The following KBTBD11 variants were observed in gnomAD, a reference collection of about 807,000 sequenced individuals.
The protein encoded by KBTBD11 is kelch repeat and BTB domain-containing protein 11.
For missense variants in KBTBD11, 1,390 were observed against 1,001.8 expected (o/e 1.39, Z -5.23); for synonymous variants, 747 against 499.0 (o/e 1.50, Z -6.63).
intron 1 of KBTBD11, among the ~76,000 whole-genome samples, chr8:1,997,597 C>T (rs762369050): frequency 7.2e-5 from 11 of 152,190 alleles, no homozygotes; most frequent in Non-Finnish European, 1.3e-4. Context: ...CCTAGAGGGG[C>T]GGCGGAGGGC....
At chr8:1,994,446 A>G (rs1817056635) in intron 1 of KBTBD11, among the ~76,000 whole-genome samples, 1 of 152,262 alleles carries the variant, frequency 6.6e-6, no homozygotes, top group Non-Finnish European at 1.5e-5. Context: ...CAGGGCCGGG[A>G]GTCTGAATGA....
At chr8:1,993,660 A>T (rs1042734335) in intron 1 of KBTBD11, among the ~76,000 whole-genome samples, 11 of 151,626 alleles carry the variant, frequency 7.3e-5, no homozygotes, top group South Asian at 4.2e-4. Flanking sequence ...TGTGAATTTT[A>T]TGTTTTTATG....
rs1372774378 is a variant in KBTBD11 at position 2,002,314 on chromosome 8, CCG to C, written c.1130_1131del (p.Arg377ProfsTer74). The C allele has an allele frequency of 1.5e-6, 2 of 1,365,902 alleles. No individual in the cohort carries two copies. The highest frequency in any genetic ancestry group is 9.4e-7 in the Non-Finnish European group (1 of 1,067,610). 84.6% of individuals were successfully genotyped at this position (1,365,902 alleles called of 1,614,324 possible). A position where few individuals can be genotyped will look rare whatever the true frequency, so the allele number is the denominator to read the frequency against. ...GCGTGGCGCCCGCGGGCCCCGACGG[CCG>C]CGCGCGCCCGTCCGACCAGGTCTTC... The part of the protein sequence containing the change: ...GGVAPAGPDG[R>X]ARPSDQVFCY... On this transcript the variant is annotated frameshift_variant, in exon 2 of 2. Transcript: ENST00000320248. LOFTEE classifies it low-confidence loss of function (END_TRUNC). This position sits in a 1 kb window ranked among gnomAD's most constrained non-coding sequence, Gnocchi z 4.1.
At position 2,003,458 on chromosome 8, in the gene KBTBD11, C is replaced by G. The variant is rs910497561; in HGVS notation, c.*394C>G. 4.1e-5 allele frequency: 8 copies of G among 193,264 alleles called. No homozygotes were observed. The highest frequency in any genetic ancestry group is 1.9e-4 in the African/African-American group (8 of 42,624). 12.0% of individuals were successfully genotyped at this position (193,264 alleles called of 1,614,324 possible). ...AGCCTGGGACCCTCAAGTAGGTCGCCGCGAACTATCGGGGGAAGCACGCAG... is the reference window on the plus strand; with the variant it reads ...AGCCTGGGACCCTCAAGTAGGTCGCGGCGAACTATCGGGGGAAGCACGCAG... On this transcript the variant is annotated 3_prime_UTR_variant, in exon 2 of 2. Transcript: ENST00000320248.
chr8:1,997,292 C>T (rs1391257006), intron 1 of KBTBD11, among the ~76,000 whole-genome samples: 1 of 152,146 alleles, frequency 6.6e-6, no homozygotes, highest in Admixed American at 6.5e-5. Flanking sequence ...CCAAAAACAT[C>T]TGACCCTAAC....
At chr8:1,988,509 T>C (rs903828638) in intron 1 of KBTBD11, among the ~76,000 whole-genome samples, 7 of 152,264 alleles carry the variant, frequency 4.6e-5, no homozygotes, top group Admixed American at 2.0e-4. Context: ...TTCATGTGTC[T>C]GTCGGCTGCA....
Position 2,002,472 on chromosome 8 carries a change from G to A in KBTBD11, c.1280G>A (p.Arg427His). 1.3e-6 allele frequency: 2 copies of A among 1,510,044 alleles called. No homozygotes were observed. Among genetic ancestry groups the A allele is most frequent in the Non-Finnish European group, 1.8e-6 (2 of 1,137,278 alleles). The allele number at this position is 1,510,044 out of a possible 1,614,324, so 93.5% of individuals were successfully genotyped here. A position where few individuals can be genotyped will look rare whatever the true frequency, so the allele number is the denominator to read the frequency against. Residue 427 changes from arginine to histidine, a missense_variant, in exon 2 of 2, where the codon CGC becomes CAC. Coordinates refer to ENST00000320248, the MANE Select transcript of KBTBD11 (RefSeq NM_014867.3). The surrounding 1 kb of genome is among the most constrained non-coding windows in gnomAD (Gnocchi z 4.1). ...GGCGAGTGCCTGCTCAGCGTGGAGCGCTACGACCCGCGCGCCGACCGCTGG... is the reference window on the plus strand; with the variant it reads ...GGCGAGTGCCTGCTCAGCGTGGAGCACTACGACCCGCGCGCCGACCGCTGG... ...VGGECLLSVE[R>H]YDPRADRWAP...
At chr8:1,974,421 C>G (rs922005012) in intron 1 of KBTBD11, 2 of 985,036 alleles carry the variant, frequency 2.0e-6, no homozygotes, top group Non-Finnish European at 2.4e-6. Context: ...GGCGGGGGCT[C>G]CTCCCGGGGT....
At chr8:1,975,381 C>A (rs1406298101) in intron 1 of KBTBD11, 2 of 152,230 alleles carry the variant, frequency 1.3e-5, no homozygotes, top group African/African-American at 4.8e-5. Flanking sequence ...GCCAAGTTGA[C>A]GGTGGTCCTG....
chr8:1,995,840 CAT>C (rs1208735383), intron 1 of KBTBD11, among the ~76,000 whole-genome samples: 2 of 152,112 alleles, frequency 1.3e-5, no homozygotes, highest in African/African-American at 4.8e-5. Flanking sequence ...CTCTGGGAAA[CAT>C]AGCGAGATCC....
At position 2,000,796 on chromosome 8, in the gene KBTBD11, G is replaced by A. The variant is rs1488566822; in HGVS notation, c.-397G>A. On this transcript the variant is annotated 5_prime_UTR_variant, in exon 2 of 2. Coordinates refer to ENST00000320248, the MANE Select transcript of KBTBD11 (RefSeq NM_014867.3). ...GGGATAGCTAGTCACTCAGGCTGCA[G>A]AGAGAGACACCTGGTCACCCAGGCT... is the stretch of plus-strand genomic sequence containing the variant. The A allele has an allele frequency of 5.3e-6, 1 of 187,350 alleles. No individual in the cohort carries two copies. The highest frequency in any genetic ancestry group is 6.3e-5 in the Admixed American group (1 of 15,892). The allele number at this position is 187,350 out of a possible 1,614,324, so 11.6% of individuals were successfully genotyped here.
At position 2,003,184 on chromosome 8, in the gene KBTBD11, A is replaced by C; in HGVS notation, c.*120A>C. On this transcript the variant is annotated 3_prime_UTR_variant, in exon 2 of 2. Coordinates refer to ENST00000320248, the MANE Select transcript of KBTBD11 (RefSeq NM_014867.3). Reference sequence around the variant, plus strand: ...CGCTGGCCACGCTGGTGGTTTGGACACTTCGAAGGAGCCCCGAGGACGCTC... The same window carrying C: ...CGCTGGCCACGCTGGTGGTTTGGACCCTTCGAAGGAGCCCCGAGGACGCTC... 1 of 1,236,568 alleles carries C rather than the reference A, an allele frequency of 8.1e-7. No individual in the cohort carries two copies. The highest frequency in any genetic ancestry group is 3.2e-5 in the East Asian group (1 of 31,402). The allele number at this position is 1,236,568 out of a possible 1,614,324, so 76.6% of individuals were successfully genotyped here.
intron 1 of KBTBD11, among the ~76,000 whole-genome samples, chr8:1,982,000 A>G (rs937164789): frequency 5.3e-5 from 8 of 152,136 alleles, no homozygotes; most frequent in Non-Finnish European, 8.8e-5. Context: ...CTACCGGTCT[A>G]TCTAGCCTTT....
intron 1 of KBTBD11, among the ~76,000 whole-genome samples, chr8:1,980,621 G>A (rs367815056): frequency 3.9e-5 from 6 of 152,226 alleles, no homozygotes; most frequent in East Asian, 3.8e-4. Flanking sequence ...CTTCTGCATC[G>A]GGCTGTGGCA....
At chr8:1,979,270 C>G (rs555742765) in intron 1 of KBTBD11, among the ~76,000 whole-genome samples, 1 of 152,182 alleles carries the variant, frequency 6.6e-6, no homozygotes, top group African/African-American at 2.4e-5. Flanking sequence ...CGAGGCCCAC[C>G]CATATTGTGA....
rs1817445764 is a variant in KBTBD11, at chr8:2,002,862, C to T, written c.1670C>T (p.Ala557Val). ...GGCCTGCAGCCCTTCCGCTGCGCCG[C>T]CCTGGACGGCGCCATCTACTGCGTG... is the stretch of plus-strand genomic sequence containing the variant. ...PTGLQPFRCA[A>V]LDGAIYCVSR... The change falls in exon 2 of 2, where the codon GCC (alanine) becomes GTC (valine). Residue 557 changes from alanine to valine, a missense_variant. Physicochemically the swap from Ala to Val is moderately conservative, Grantham distance 64 (BLOSUM62 0). Coordinates refer to ENST00000320248, the MANE Select transcript of KBTBD11 (RefSeq NM_014867.3). The surrounding 1 kb of genome is among the most constrained non-coding windows in gnomAD (Gnocchi z 4.1). 4 of 1,374,142 alleles carry T rather than the reference C, an allele frequency of 2.9e-6. No individual in the cohort carries two copies. Among genetic ancestry groups the T allele is most frequent in the East Asian group, 6.1e-5 (2 of 32,530 alleles). 85.1% of individuals were successfully genotyped at this position (1,374,142 alleles called of 1,614,324 possible).
rs138962647 is a variant in KBTBD11 at position 1,985,732 on chromosome 8, G to A, written c.-909+11797G>A. Among the ~76,000 whole-genome samples, 221 of 152,368 alleles carry A rather than the reference G, an allele frequency of 1.5e-3. 1 individual carries two copies. Among genetic ancestry groups the A allele is most frequent in the African/African-American group, 5.1e-3 (210 of 41,584 alleles). The stretch of plus-strand genomic sequence containing the variant: ...CTCAGCGCTTTGGGAGTCCCAGGCT[G>A]CAGTGAGCCATGATTGCACCCCTGC... On this transcript the variant is annotated intron_variant, in intron 1 of 1. Transcript: ENST00000320248.
chr8:1,977,862 A>G (rs1462842131), intron 1 of KBTBD11, among the ~76,000 whole-genome samples: 1 of 152,188 alleles, frequency 6.6e-6, no homozygotes, highest in South Asian at 2.1e-4. Context: ...TAAAATTCTT[A>G]CAATAGTGGG....
At chr8:1,978,076 G>T (rs1816410970) in intron 1 of KBTBD11, among the ~76,000 whole-genome samples, 1 of 152,186 alleles carries the variant, frequency 6.6e-6, no homozygotes, top group Admixed American at 6.5e-5. Context: ...TGCCATGGTG[G>T]TTTGTTGCAC....
Sources: allele counts gnomAD v4.1 joint callset (sites outside exome capture counted in the v4.1 genomes callset), GRCh38; gene constraint gnomAD v4.1.1; non-coding constraint Gnocchi (gnomAD v3.1); transcripts MANE v1.5; gene names NCBI Gene and HGNC (gene_info 2026-07-23, HGNC 2026-07-21).